Variants in GALNTL6 observed in about 807,000 individuals in gnomAD.
The protein encoded by GALNTL6 is polypeptide N-acetylgalactosaminyltransferase-like 6.
A neutral mutation model predicts 73.7 loss-of-function variants in GALNTL6; 46 were observed. The ratio of observed to expected loss-of-function variants is 0.62; its 90% CI spans 0.49 to 0.80. The LOEUF (loss-of-function observed/expected upper bound fraction) is 0.80. Ranked by LOEUF, GALNTL6 falls within the 30% of genes least tolerant of loss-of-function variation. The pLI, the probability that GALNTL6 is intolerant of heterozygous loss-of-function variation, is 0.00. For missense variants in GALNTL6, 604 were observed against 755.0 expected (o/e 0.80, Z 2.34); for synonymous variants, 259 against 263.7 (o/e 0.98, Z 0.17).
chr4:172,418,147 G>T (rs1202164692), intron 5 of GALNTL6, among the ~76,000 whole-genome samples: 3 of 152,156 alleles, frequency 2.0e-5, no homozygotes, highest in African/African-American at 7.2e-5. Flanking sequence ...CCAAATTGGG[G>T]TAGGTGATGT....
At chr4:172,752,859 T>C (rs527857733) in intron 5 of GALNTL6, among the ~76,000 whole-genome samples, 2 of 152,302 alleles carry the variant, frequency 1.3e-5, no homozygotes, top group African/African-American at 4.8e-5. Context: ...ATTAATTTAT[T>C]TTGATAGATA....
intron 2 of GALNTL6, among the ~76,000 whole-genome samples, chr4:172,143,841 T>C (rs1271077036): frequency 6.6e-6 from 1 of 152,162 alleles, no homozygotes; most frequent in African/African-American, 2.4e-5. Context: ...TGTTATCTTA[T>C]CTTCTTTTTT....
intron 5 of GALNTL6, among the ~76,000 whole-genome samples, chr4:172,785,557 T>G (rs1396032843): frequency 1.3e-5 from 2 of 152,142 alleles, no homozygotes; most frequent in African/African-American, 2.4e-5. Context: ...AAAAAAGTCC[T>G]GCTCTCATGA....
chr4:172,389,199 C>G (rs1374409873), intron 5 of GALNTL6, among the ~76,000 whole-genome samples: 2 of 151,852 alleles, frequency 1.3e-5, no homozygotes, highest in Admixed American at 1.3e-4. Flanking sequence ...GTTTTTCTGA[C>G]ACATTTAGTA....
intron 2 of GALNTL6, among the ~76,000 whole-genome samples, chr4:172,082,188 T>A (rs1374984405): frequency 6.6e-6 from 1 of 152,154 alleles, no homozygotes; most frequent in Non-Finnish European, 1.5e-5. Flanking sequence ...TAATATTTTC[T>A]AAGTAGAGCC....
intron 2 of GALNTL6, among the ~76,000 whole-genome samples, chr4:171,928,997 C>T (rs1164287175): frequency 6.6e-6 from 1 of 152,200 alleles, no homozygotes; most frequent in African/African-American, 2.4e-5. Flanking sequence ...ATATATTCTA[C>T]ATTTCATAAT....
At chr4:172,129,361 G>A (rs1342234148) in intron 2 of GALNTL6, among the ~76,000 whole-genome samples, 8 of 152,108 alleles carry the variant, frequency 5.3e-5, no homozygotes, top group Non-Finnish European at 1.0e-4. Context: ...GAGTGCAAAC[G>A]AACCCCATGA....
At chr4:172,165,780 T>C (rs1363977372) in intron 2 of GALNTL6, among the ~76,000 whole-genome samples, 1 of 152,214 alleles carries the variant, frequency 6.6e-6, no homozygotes, top group East Asian at 1.9e-4. Flanking sequence ...AAATAAATCA[T>C]TGTCAAGAAA....
At chr4:171,960,094 G>T (rs531297679) in intron 2 of GALNTL6, among the ~76,000 whole-genome samples, 2 of 152,244 alleles carry the variant, frequency 1.3e-5, no homozygotes, top group South Asian at 4.1e-4. Flanking sequence ...GGAAACTACA[G>T]GTACAGATTG....
chr4:172,423,913 A>G (rs901720333), intron 5 of GALNTL6, among the ~76,000 whole-genome samples: 2 of 152,118 alleles, frequency 1.3e-5, no homozygotes, highest in African/African-American at 4.8e-5. Flanking sequence ...AAGATACTCT[A>G]TATCCGTATC....
chr4:172,694,976 T>C (rs1200876827), intron 5 of GALNTL6, among the ~76,000 whole-genome samples: 4 of 152,226 alleles, frequency 2.6e-5, no homozygotes, highest in Non-Finnish European at 4.4e-5. Context: ...TAACTGAGCT[T>C]GGTCATCCAG....
At chr4:172,374,551 A>G (rs1417621095) in intron 5 of GALNTL6, among the ~76,000 whole-genome samples, 2 of 152,178 alleles carry the variant, frequency 1.3e-5, no homozygotes, top group African/African-American at 4.8e-5. Flanking sequence ...GAGTTATGGT[A>G]GACATCATTG....
intron 3 of GALNTL6, among the ~76,000 whole-genome samples, chr4:172,249,652 A>G (rs1335301034): frequency 6.6e-6 from 1 of 152,130 alleles, no homozygotes; most frequent in Non-Finnish European, 1.5e-5. Context: ...CCTATGTCCC[A>G]GCTGTCTTAG....
intron 2 of GALNTL6, among the ~76,000 whole-genome samples, chr4:171,939,299 G>T (rs1738450841): frequency 6.6e-6 from 1 of 151,488 alleles, no homozygotes; most frequent in Admixed American, 6.6e-5. Context: ...GATTTTTTTT[G>T]ATAAGCCATC....
rs1174133813 is a variant in GALNTL6 at position 172,178,288 on chromosome 4, T to TA, written c.139-51362dup. Among the ~76,000 whole-genome samples, 6 of 152,284 alleles carry TA rather than the reference T, an allele frequency of 3.9e-5. No homozygotes were observed. In the South Asian group the frequency reaches 8.3e-4, roughly 21 times the overall value. On this transcript the variant is annotated intron_variant, in intron 2 of 12. Transcript: ENST00000506823. ...CTATTTGAGTTCTATTTTCTTTTTTTAAAAAATTATTATTATACTTTAAGT... is the reference window on the plus strand; with the variant it reads ...CTATTTGAGTTCTATTTTCTTTTTTTAAAAAAATTATTATTATACTTTAAGT...
At chr4:172,111,017 C>T (rs1445933599) in intron 2 of GALNTL6, among the ~76,000 whole-genome samples, 1 of 151,878 alleles carries the variant, frequency 6.6e-6, no homozygotes, top group African/African-American at 2.4e-5. Context: ...TATTCCTATA[C>T]TAAGCTTTCC....
intron 3 of GALNTL6, among the ~76,000 whole-genome samples, chr4:172,283,172 A>G (rs1739124252): frequency 3.9e-5 from 6 of 152,186 alleles, no homozygotes; most frequent in Admixed American, 3.9e-4. Flanking sequence ...ACTTCTCTGT[A>G]AACACATGAG....
intron 2 of GALNTL6, among the ~76,000 whole-genome samples, chr4:172,110,987 C>T (rs1296408830): frequency 1.3e-5 from 2 of 151,760 alleles, no homozygotes; most frequent in Admixed American, 6.6e-5. Context: ...GTAGTAATCT[C>T]ACTTAATTTT....
In GALNTL6 at chr4:171,947,356, G is replaced by T. The variant is rs147747522; in HGVS notation, c.138+132638G>T. On this transcript the variant is annotated intron_variant, in intron 2 of 12. Transcript: ENST00000506823. ...GAACAGAAAATATGAATTATAGGTT[G>T]TAAGGGAAGAAACATCTGCACTGAG... is the stretch of plus-strand genomic sequence containing the variant. Among the ~76,000 whole-genome samples the T allele has an allele frequency of 4.4e-3, 673 of 152,234 alleles. 2 individuals carry two copies. Among genetic ancestry groups the T allele is most frequent in the Non-Finnish European group, 7.4e-3 (501 of 68,022 alleles).
Sources: allele counts gnomAD v4.1 joint callset (sites outside exome capture counted in the v4.1 genomes callset), GRCh38; gene constraint gnomAD v4.1.1; transcripts MANE v1.5; gene names NCBI Gene and HGNC (gene_info 2026-07-23, HGNC 2026-07-21).